ELOVL7: variants seen among roughly 807,000 people sequenced by gnomAD.
ELOVL7 encodes very long chain fatty acid elongase 7.
Under a neutral mutation model 35.7 loss-of-function variants are expected in ELOVL7, and 27 were observed. That is an observed-to-expected ratio of 0.76 (90% confidence interval 0.56 to 1.04). The LOEUF is 1.04. ELOVL7 is among the 50% of genes least tolerant of loss of function. The pLI is 0.00. For synonymous variants in ELOVL7, 113 were observed against 114.6 expected, an observed-to-expected ratio of 0.99 and a Z score of 0.09; for missense variants, 327 against 340.8, an observed-to-expected ratio of 0.96 and a Z score of 0.32.
intron 1 of ELOVL7, among the ~76,000 whole-genome samples, chr5:60,811,773 T>G (rs942158974): frequency 6.6e-6 from 1 of 152,190 alleles, no homozygotes; most frequent in Admixed American, 6.5e-5. Context: ...ATGTAGCCCC[T>G]TGGCCTTGGA....
Position 60,761,919 on chromosome 5 carries a change from T to A in ELOVL7, c.499+2308A>T, listed in dbSNP as rs111708011. Among the ~76,000 whole-genome samples, 242 of 152,236 alleles carry A rather than the reference T, an allele frequency of 1.6e-3. 2 individuals carry two copies. Among genetic ancestry groups the A allele is most frequent in the African/African-American group, 5.8e-3 (240 of 41,540 alleles). ...CATATTCGATATTGAAGCCTGAGAC[T>A]AATTCTGATTCTCCTTCTGTAAGAT... On this transcript the variant is annotated intron_variant, in intron 7 of 8. Coordinates refer to ENST00000508821, the MANE Select transcript of ELOVL7 (RefSeq NM_024930.3).
At position 60,772,050 on chromosome 5, in the gene ELOVL7, T is replaced by C; in HGVS notation, c.108A>G (p.Pro36=). The change falls in exon 4 of 9, where the codon CCA becomes CCG. Residue 36 remains proline, a synonymous_variant. Transcript: ENST00000508821. ...CATAGAATCCTAGGAGGATGGTTTG[T>C]GGCAGAGGCGAGGACATGAGGAGCC... ...EDWLLMSSPL[P]QTILLGFYVY... 6.2e-7 allele frequency: 1 copy of C among 1,613,426 alleles called. No individual in the cohort carries two copies. Among genetic ancestry groups the C allele is most frequent in the Non-Finnish European group, 8.5e-7 (1 of 1,179,652 alleles).
At chr5:60,810,351 T>C (rs909292944) in intron 1 of ELOVL7, among the ~76,000 whole-genome samples, 1 of 152,222 alleles carries the variant, frequency 6.6e-6, no homozygotes, top group Non-Finnish European at 1.5e-5. Context: ...AATCACATAC[T>C]GAAGGGAAAG....
chr5:60,810,649 C>T (rs970466669), intron 1 of ELOVL7, among the ~76,000 whole-genome samples: 1 of 152,210 alleles, frequency 6.6e-6, no homozygotes, highest in East Asian at 1.9e-4. Flanking sequence ...GGGCTGGCAT[C>T]TGATCTGATT....
intron 1 of ELOVL7, among the ~76,000 whole-genome samples, chr5:60,832,682 A>G (rs1001164595): frequency 3.3e-5 from 5 of 150,340 alleles, no homozygotes; most frequent in Non-Finnish European, 7.4e-5. Context: ...TTTTTTTTTG[A>G]GAGTGCAGAT....
intron 1 of ELOVL7, among the ~76,000 whole-genome samples, chr5:60,828,141 A>C (rs1218509741): frequency 6.6e-6 from 1 of 152,142 alleles, no homozygotes; most frequent in African/African-American, 2.4e-5. Context: ...TCTGGAACCA[A>C]GCTGGAATTC....
intron 1 of ELOVL7, among the ~76,000 whole-genome samples, chr5:60,838,824 G>T (rs952022460): frequency 6.6e-6 from 1 of 151,388 alleles, no homozygotes; most frequent in Non-Finnish European, 1.5e-5. Flanking sequence ...AGGAATTCAA[G>T]AGCAGCCTGG....
At chr5:60,786,798 C>G (rs975583274) in intron 3 of ELOVL7, among the ~76,000 whole-genome samples, 1 of 151,792 alleles carries the variant, frequency 6.6e-6, no homozygotes, top group Admixed American at 6.6e-5. Flanking sequence ...AAAAATTAGC[C>G]AGGCATGGTG....
intron 3 of ELOVL7, among the ~76,000 whole-genome samples, chr5:60,779,742 T>C (rs904671639): frequency 1.3e-5 from 2 of 152,234 alleles, no homozygotes; most frequent in African/African-American, 4.8e-5. Context: ...ATTCAGCTCC[T>C]GCTACTTATG....
chr5:60,775,031 T>C (rs1028390884), intron 3 of ELOVL7, among the ~76,000 whole-genome samples: 2 of 152,170 alleles, frequency 1.3e-5, no homozygotes, highest in Non-Finnish European at 2.9e-5. Context: ...CCCAAAGTGC[T>C]GGGATTACAG....
At chr5:60,839,031 T>A (rs78574158) in intron 1 of ELOVL7, among the ~76,000 whole-genome samples, 4,783 of 136,716 alleles carry the variant, frequency 0.035, 177 homozygotes, top group African/African-American at 0.089. Flanking sequence ...CAAAAAAAAA[T>A]ATATATATAT....
At chr5:60,811,267 G>A (rs575024379) in intron 1 of ELOVL7, among the ~76,000 whole-genome samples, 1 of 152,146 alleles carries the variant, frequency 6.6e-6, no homozygotes, top group African/African-American at 2.4e-5. Context: ...GTATGTGTGT[G>A]TTTATGCACA....
chr5:60,819,817 G>A (rs984033965), intron 1 of ELOVL7, among the ~76,000 whole-genome samples: 5 of 152,008 alleles, frequency 3.3e-5, no homozygotes, highest in Non-Finnish European at 7.4e-5. Context: ...AAAAAACCAC[G>A]ATCATAATGC....
At chr5:60,838,028 G>A (rs1390663802) in intron 1 of ELOVL7, among the ~76,000 whole-genome samples, 4 of 151,934 alleles carry the variant, frequency 2.6e-5, no homozygotes, top group African/African-American at 9.7e-5. Flanking sequence ...GAGGAGGAGA[G>A]GTTTCATAAA....
intron 1 of ELOVL7, among the ~76,000 whole-genome samples, chr5:60,805,483 T>C (rs753251246): frequency 2.0e-5 from 3 of 152,150 alleles, no homozygotes; most frequent in Admixed American, 6.5e-5. Flanking sequence ...CTGTTGACCA[T>C]GAGGAGTCAT....
intron 6 of ELOVL7, among the ~76,000 whole-genome samples, chr5:60,766,170 CTG>C (rs1742223482): frequency 6.6e-6 from 1 of 152,170 alleles, no homozygotes; most frequent in South Asian, 2.1e-4. Context: ...ATATGGATGA[CTG>C]TGCTTTGGGA....
At chr5:60,839,766 G>A (rs983291008) in intron 1 of ELOVL7, among the ~76,000 whole-genome samples, 1 of 152,238 alleles carries the variant, frequency 6.6e-6, no homozygotes, top group Admixed American at 6.5e-5. Context: ...TTGGAAGGCT[G>A]AGGCAGGAGA....
chr5:60,758,421 A>G (rs1469679843), intron 7 of ELOVL7, among the ~76,000 whole-genome samples: 1 of 152,152 alleles, frequency 6.6e-6, no homozygotes, highest in Non-Finnish European at 1.5e-5. Context: ...CCTACTCTCA[A>G]TAATCTTCAT....
chr5:60,841,867 T>C lies in ELOVL7; in HGVS notation c.-86+2293A>G, dbSNP rs537680965. Among the ~76,000 whole-genome samples, 182 of 152,352 alleles carry C rather than the reference T, an allele frequency of 1.2e-3. 1 individual carries two copies. Among genetic ancestry groups the C allele is most frequent in the African/African-American group, 4.2e-3 (176 of 41,580 alleles). On this transcript the variant is annotated intron_variant, in intron 1 of 8. Transcript: ENST00000508821. ...TCATCAGAACAGCTGGGTACCTGTTTGTGACAATGGAGTGAACACAGGCTT... is the reference window on the plus strand; with the variant it reads ...TCATCAGAACAGCTGGGTACCTGTTCGTGACAATGGAGTGAACACAGGCTT...
Sources: gnomAD v4.1 joint callset for allele counts (sites outside exome capture counted in the v4.1 genomes callset) on GRCh38, gnomAD v4.1.1 for gene constraint, MANE v1.5 for transcripts, NCBI Gene and HGNC (gene_info 2026-07-23, HGNC 2026-07-21) for gene names.